The following CXCL13 variants were observed in gnomAD, a reference collection of about 807,000 sequenced individuals.
CXCL13 encodes C-X-C motif chemokine 13.
In CXCL13, 7 loss-of-function variants were observed where a neutral mutation model predicts 12.2. The ratio of observed to expected loss-of-function variants is 0.57; its 90% CI spans 0.33 to 1.07. CXCL13 has a LOEUF of 1.07. Ranked by LOEUF, CXCL13 falls within the 50% of genes least tolerant of loss-of-function variation. The pLI is 0.04. For synonymous variants in CXCL13, 47 were observed against 42.4 expected, an observed-to-expected ratio of 1.11 and a Z score of -0.42; for missense variants, 113 against 127.4, an observed-to-expected ratio of 0.89 and a Z score of 0.55.
intron 1 of CXCL13, among the ~76,000 whole-genome samples, chr4:77,568,730 C>A (rs1478924132): frequency 6.6e-6 from 1 of 152,046 alleles, no homozygotes; most frequent in Non-Finnish European, 1.5e-5. Context: ...GGCTTTTCGG[C>A]ATTTGGTTCT....
chr4:77,558,178 C>T (rs1725709530), intron 1 of CXCL13, among the ~76,000 whole-genome samples: 1 of 152,226 alleles, frequency 6.6e-6, no homozygotes, highest in Non-Finnish European at 1.5e-5. Context: ...TCCTTTATCA[C>T]TTCTAAGATG....
intron 1 of CXCL13, among the ~76,000 whole-genome samples, chr4:77,524,530 C>G (rs1724712723): frequency 6.6e-6 from 1 of 152,162 alleles, no homozygotes; most frequent in African/African-American, 2.4e-5. Flanking sequence ...CCAAGCCAGG[C>G]ATGGGAGAGA....
intron 1 of CXCL13, among the ~76,000 whole-genome samples, chr4:77,557,017 C>T (rs1423962874): frequency 6.6e-6 from 1 of 151,204 alleles, no homozygotes; most frequent in African/African-American, 2.4e-5. Flanking sequence ...ACCCAAAAGA[C>T]TGTCTCTAAA....
intron 1 of CXCL13, among the ~76,000 whole-genome samples, chr4:77,590,961 G>A (rs934013774): frequency 6.6e-6 from 1 of 152,084 alleles, no homozygotes. Context: ...CTCACTGCAA[G>A]GTCTGCCTCC....
intron 1 of CXCL13, among the ~76,000 whole-genome samples, chr4:77,523,399 C>T (rs1225843301): frequency 6.6e-6 from 1 of 152,026 alleles, no homozygotes; most frequent in East Asian, 1.9e-4. Context: ...TTGGAGGCTT[C>T]GTTCATTTCT....
intron 1 of CXCL13, among the ~76,000 whole-genome samples, chr4:77,553,452 A>G (rs1578050967): frequency 6.6e-6 from 1 of 152,338 alleles, no homozygotes; most frequent in Non-Finnish European, 1.5e-5. Flanking sequence ...AGCTTTTCTC[A>G]GTGTCTTTCC....
intron 1 of CXCL13, among the ~76,000 whole-genome samples, chr4:77,534,531 A>T (rs1183085527): frequency 6.6e-6 from 1 of 152,252 alleles, no homozygotes; most frequent in Non-Finnish European, 1.5e-5. Context: ...TCATTGGGAG[A>T]AACAGTGAAA....
At chr4:77,563,425 G>A (rs964917953) in intron 1 of CXCL13, among the ~76,000 whole-genome samples, 2 of 152,166 alleles carry the variant, frequency 1.3e-5, no homozygotes, top group Non-Finnish European at 1.5e-5. Context: ...GCTTAATAAT[G>A]CACCTTTTAT....
chr4:77,602,041 A>T (rs1339605360), upstream of CXCL13, among the ~76,000 whole-genome samples: 1 of 152,364 alleles, frequency 6.6e-6, no homozygotes, highest in Admixed American at 6.5e-5. Flanking sequence ...GTTGAGTGGC[A>T]TGAAAGAAAA....
intron 1 of CXCL13, among the ~76,000 whole-genome samples, chr4:77,523,583 A>G (rs1427212825): frequency 6.6e-6 from 1 of 152,110 alleles, no homozygotes; most frequent in Non-Finnish European, 1.5e-5. Context: ...TGTCTTCTCT[A>G]CACTGTTTAT....
chr4:77,529,456 G>T (rs943588111), intron 1 of CXCL13, among the ~76,000 whole-genome samples: 1 of 152,088 alleles, frequency 6.6e-6, no homozygotes, highest in African/African-American at 2.4e-5. Context: ...TTATTTCCTT[G>T]AGCAGTGGTT....
chr4:77,522,601 G>A (rs1449485536), intron 1 of CXCL13, among the ~76,000 whole-genome samples: 1 of 130,756 alleles, frequency 7.6e-6, no homozygotes, highest in African/African-American at 2.8e-5. Flanking sequence ...GCTTATGTGT[G>A]TCTCTGCATG....
chr4:77,518,122 C>T (rs1440309523), intron 1 of CXCL13, among the ~76,000 whole-genome samples: 2 of 152,120 alleles, frequency 1.3e-5, no homozygotes, highest in African/African-American at 4.8e-5. Context: ...GAATATTGGC[C>T]CCCACTCTCT....
chr4:77,524,606 T>A (rs1333841998), intron 1 of CXCL13, among the ~76,000 whole-genome samples: 1 of 152,202 alleles, frequency 6.6e-6, no homozygotes, highest in Admixed American at 6.5e-5. Flanking sequence ...AGTGTCCTGT[T>A]ATTCCAGGTA....
chr4:77,599,337 A>G (rs1298738941), intron 1 of CXCL13, among the ~76,000 whole-genome samples: 1 of 152,220 alleles, frequency 6.6e-6, no homozygotes, highest in Non-Finnish European at 1.5e-5. Flanking sequence ...TATACTTTAA[A>G]TCATCTCTAG....
At chr4:77,585,652 CT>C (rs1726438378) in intron 1 of CXCL13, among the ~76,000 whole-genome samples, 1 of 152,198 alleles carries the variant, frequency 6.6e-6, no homozygotes, top group African/African-American at 2.4e-5. Flanking sequence ...AAAGTGATGG[CT>C]TTTTAAACCT....
At chr4:77,517,487 G>T (rs895632786) in intron 1 of CXCL13, among the ~76,000 whole-genome samples, 44 of 152,306 alleles carry the variant, frequency 2.9e-4, no homozygotes, top group African/African-American at 9.6e-4. Context: ...GAATCTGGGT[G>T]CTCCTGTATT....
chr4:77,515,646 C>G (rs1385608500), intron 1 of CXCL13, among the ~76,000 whole-genome samples: 3 of 152,052 alleles, frequency 2.0e-5, no homozygotes, highest in Non-Finnish European at 4.4e-5. Flanking sequence ...GTGATTTTTG[C>G]ACATTGATTT....
intron 1 of CXCL13, among the ~76,000 whole-genome samples, chr4:77,586,925 G>A (rs1471818129): frequency 6.6e-6 from 1 of 152,182 alleles, no homozygotes; most frequent in East Asian, 1.9e-4. Flanking sequence ...ACAAACTGCA[G>A]ACCCAGCTGC....
Sources: gnomAD v4.1 joint callset for allele counts (sites outside exome capture counted in the v4.1 genomes callset) on GRCh38, gnomAD v4.1.1 for gene constraint, MANE v1.5 for transcripts, NCBI Gene and HGNC (gene_info 2026-07-23, HGNC 2026-07-21) for gene names.